ITGA4: variants seen among roughly 807,000 people sequenced by gnomAD.
ITGA4 encodes integrin alpha-4.
In ITGA4, 63 loss-of-function variants were observed where a neutral mutation model predicts 133.6. The observed-to-expected ratio is 0.47, with a 90% CI of 0.38 to 0.58. The LOEUF (loss-of-function observed/expected upper bound fraction) is 0.58, where lower values mean the gene tolerates loss of function less well. Among genes scored for constraint, ITGA4 ranks in the 20% least tolerant of loss-of-function variants. The pLI, the probability that ITGA4 is intolerant of heterozygous loss-of-function variation, is 0.00. For missense variants in ITGA4, 1,076 were observed against 1,252.7 expected, an observed-to-expected ratio of 0.86 and a Z score of 2.13; for synonymous variants, 483 against 438.0, an observed-to-expected ratio of 1.10 and a Z score of -1.28.
intron 10 of ITGA4, among the ~76,000 whole-genome samples, chr2:181,486,515 A>T (rs1217475351): frequency 1.3e-5 from 2 of 152,184 alleles, no homozygotes; most frequent in Non-Finnish European, 2.9e-5. Context: ...GATCTGGGGA[A>T]TTCAAGAAGA....
At chr2:181,526,988 C>G (rs193053758) in intron 21 of ITGA4, among the ~76,000 whole-genome samples, 1 of 151,406 alleles carries the variant, frequency 6.6e-6, no homozygotes, top group Non-Finnish European at 1.5e-5. Flanking sequence ...CACGCCACCA[C>G]GCCCAGCTAA....
chr2:181,477,700 T>A (rs1685707457), intron 4 of ITGA4, among the ~76,000 whole-genome samples: 1 of 152,098 alleles, frequency 6.6e-6, no homozygotes, highest in South Asian at 2.1e-4. Flanking sequence ...AGATAACAAG[T>A]GTTGGCGAAG....
In ITGA4 at chr2:181,537,224, C is replaced by CAGGATGGTCTCTAAGGAAATTTACATTT; in HGVS notation, c.*1698_*1725dup. 2.2e-6 allele frequency: 1 copy of CAGGATGGTCTCTAAGGAAATTTACATTT among 452,934 alleles called. No homozygotes were observed. Among genetic ancestry groups the CAGGATGGTCTCTAAGGAAATTTACATTT allele is most frequent in the South Asian group, 1.6e-5 (1 of 64,470 alleles). 28.1% of individuals were successfully genotyped at this position (452,934 alleles called of 1,614,324 possible). Reference sequence around the variant, plus strand: ...AGCCCCGATTTAGAACTGTCTTCTCCAGGATGGTCTCTAAGGAAATTTACA... The same window carrying CAGGATGGTCTCTAAGGAAATTTACATTT: ...AGCCCCGATTTAGAACTGTCTTCTCCAGGATGGTCTCTAAGGAAATTTACATTTAGGATGGTCTCTAAGGAAATTTACA... On this transcript the variant is annotated 3_prime_UTR_variant, in exon 28 of 28. Transcript: ENST00000397033.
rs1687317907 is a variant in ITGA4, at chr2:181,538,501, T to TA, written c.*2975dup. Among the ~76,000 whole-genome samples the TA allele has an allele frequency of 4.0e-5, 1 of 25,260 alleles. No individual in the cohort carries two copies. Among genetic ancestry groups the TA allele is most frequent in the African/African-American group, 1.8e-4 (1 of 5,540 alleles). The allele number at this position is 25,260 out of a possible 152,430, so 16.6% of individuals were successfully genotyped here. ...TCTGTAAAACAGTCAGTTATGCCTC[T>TA]AGAACACCCATGTCTAGTGGGCACC... On this transcript the variant is annotated 3_prime_UTR_variant, in exon 28 of 28. Coordinates refer to ENST00000397033, the MANE Select transcript of ITGA4 (RefSeq NM_000885.6).
chr2:181,472,196 A>G (rs1345541037), intron 2 of ITGA4, among the ~76,000 whole-genome samples: 2 of 152,214 alleles, frequency 1.3e-5, no homozygotes, highest in African/African-American at 4.8e-5. Context: ...AAGAGTTCAT[A>G]ATGCAAGAGT....
At chr2:181,502,398 T>TA (rs377268239) in intron 15 of ITGA4, among the ~76,000 whole-genome samples, 6 of 152,248 alleles carry the variant, frequency 3.9e-5, no homozygotes, top group African/African-American at 1.4e-4. Context: ...AGCATGTTTT[T>TA]ATGCTGATAG....
chr2:181,482,788 C>A, intron 9 of ITGA4, 137 bp downstream of exon 9: 2 of 707,794 alleles, frequency 2.8e-6, no homozygotes, highest in Non-Finnish European at 4.7e-6. Flanking sequence ...TGTACTGATG[C>A]TCTAAAAATT....
At chr2:181,511,135 G>T (rs994394891) in intron 16 of ITGA4, among the ~76,000 whole-genome samples, 1 of 151,636 alleles carries the variant, frequency 6.6e-6, no homozygotes, top group Non-Finnish European at 1.5e-5. Context: ...TTATGCCTTG[G>T]GTCTTCCTAG....
chr2:181,508,107 C>T (rs1056119524), intron 15 of ITGA4, among the ~76,000 whole-genome samples: 1 of 151,192 alleles, frequency 6.6e-6, no homozygotes, highest in African/African-American at 2.4e-5. Context: ...AAAATAATGT[C>T]TGCATATAGA....
At chr2:181,510,088 G>C (rs1408627093) in intron 16 of ITGA4, among the ~76,000 whole-genome samples, 6 of 151,878 alleles carry the variant, frequency 4.0e-5, no homozygotes, top group Admixed American at 1.3e-4. Context: ...TATATTACTA[G>C]AGAGAAATCA....
In ITGA4 at chr2:181,482,645, T is replaced by C. The variant is rs1254951009; in HGVS notation, c.1035T>C (p.Ser345=). The C allele has an allele frequency of 4.3e-6, 7 of 1,613,400 alleles. No individual in the cohort carries two copies. The highest frequency in any genetic ancestry group is 5.9e-6 in the Non-Finnish European group (7 of 1,179,570). The change falls in exon 9 of 28, where the codon TCT becomes TCC. Residue 345 remains serine, a synonymous_variant. Transcript: ENST00000397033. ...GAAGAGTGTTTGTGTACATCAACTCTGGCTCGGTATGTCCAAGTGCCCCAA... is the reference window on the plus strand; with the variant it reads ...GAAGAGTGTTTGTGTACATCAACTCCGGCTCGGTATGTCCAAGTGCCCCAA... ...EEGRVFVYIN[S]GSGAVMNAME...
intron 15 of ITGA4, among the ~76,000 whole-genome samples, chr2:181,499,231 G>C (rs371409542): frequency 6.6e-6 from 1 of 152,080 alleles, no homozygotes; most frequent in East Asian, 1.9e-4. Context: ...CTTTGTTTCC[G>C]TGCCAGCTTT....
At chr2:181,489,911 G>A (rs1447120907) in intron 10 of ITGA4, among the ~76,000 whole-genome samples, 1 of 152,136 alleles carries the variant, frequency 6.6e-6, no homozygotes, top group African/African-American at 2.4e-5. Context: ...TATTTGGTGG[G>A]GGGCATCGGC....
intron 4 of ITGA4, chr2:181,475,866 A>T: frequency 6.2e-7 from 1 of 1,600,714 alleles, no homozygotes; most frequent in Non-Finnish European, 8.5e-7. Context: ...AGTGAGCAGA[A>T]TTGGGGTGAA....
At chr2:181,506,691 A>G (rs988761709) in intron 15 of ITGA4, among the ~76,000 whole-genome samples, 1 of 152,142 alleles carries the variant, frequency 6.6e-6, no homozygotes, top group African/African-American at 2.4e-5. Flanking sequence ...AAGTTACTAT[A>G]TAAATAATAT....
At chr2:181,477,088 A>G (rs1033498232) in intron 4 of ITGA4, among the ~76,000 whole-genome samples, 10 of 152,256 alleles carry the variant, frequency 6.6e-5, no homozygotes, top group East Asian at 1.9e-4. Flanking sequence ...CAATTTATCT[A>G]TGCAACAAAC....
chr2:181,505,343 A>G (rs1008262664), intron 15 of ITGA4, among the ~76,000 whole-genome samples: 4 of 152,054 alleles, frequency 2.6e-5, no homozygotes, highest in African/African-American at 7.2e-5. Context: ...ACAGGAGGAC[A>G]TGGGCCTGTT....
chr2:181,501,049 A>G (rs1416321065), intron 15 of ITGA4, among the ~76,000 whole-genome samples: 1 of 152,174 alleles, frequency 6.6e-6, no homozygotes, highest in Non-Finnish European at 1.5e-5. Context: ...AAAGACGTGA[A>G]GAAAGTGAGG....
intron 20 of ITGA4, among the ~76,000 whole-genome samples, chr2:181,524,957 G>T (rs1686802209): frequency 7.2e-6 from 1 of 138,894 alleles, no homozygotes; most frequent in African/African-American, 2.6e-5. Flanking sequence ...GTAACTATTT[G>T]TTAAAAAAAA....
Sources: gnomAD v4.1 joint callset for allele counts (sites outside exome capture counted in the v4.1 genomes callset) on GRCh38, gnomAD v4.1.1 for gene constraint, MANE v1.5 for transcripts, NCBI Gene and HGNC (gene_info 2026-07-23, HGNC 2026-07-21) for gene names.